The following GPC3 variants were observed in gnomAD, a reference collection of about 807,000 sequenced individuals.
GPC3 encodes glypican-3.
GPC3 carries 3 observed loss-of-function variants against 34.4 expected under a neutral mutation model. That is an observed-to-expected ratio of 0.09 (90% CI 0.04 to 0.23). The LOEUF (loss-of-function observed/expected upper bound fraction) is 0.23. Among genes scored for constraint, GPC3 ranks in the 10% least tolerant of loss-of-function variants. The pLI is 1.00. For synonymous variants in GPC3, 177 were observed against 174.0 expected (o/e 1.02, Z -0.13); for missense variants, 351 against 445.6 (o/e 0.79, Z 1.91).
chrX:133,915,886 C>G (rs1310091441), intron 2 of GPC3, among the ~76,000 whole-genome samples: 4 of 111,629 alleles, frequency 3.6e-5, no homozygotes, highest in Non-Finnish European at 7.5e-5. Flanking sequence ...CATTGTGGCT[C>G]AAGCCTGTAA....
intron 3 of GPC3, among the ~76,000 whole-genome samples, chrX:133,709,077 CTGTT>C (rs2071243280): frequency 8.9e-6 from 1 of 111,778 alleles, no homozygotes; most frequent in Non-Finnish European, 1.9e-5. Context: ...GAACTCTATT[CTGTT>C]TATTTAAATG....
chrX:133,632,482 C>T (rs1469329612), intron 6 of GPC3, among the ~76,000 whole-genome samples: 2 of 111,405 alleles, frequency 1.8e-5, no homozygotes, highest in African/African-American at 3.3e-5. Context: ...GGTAGATTAA[C>T]TTATTTTTAC....
chrX:133,778,488 C>A (rs1293025565), intron 2 of GPC3, among the ~76,000 whole-genome samples: 2 of 111,792 alleles, frequency 1.8e-5, no homozygotes, highest in East Asian at 5.6e-4. Context: ...ACCCACTGAG[C>A]AACTGATACG....
chrX:133,967,693 A>G (rs1410850748), intron 1 of GPC3, among the ~76,000 whole-genome samples: 1 of 111,840 alleles, frequency 8.9e-6, no homozygotes, highest in African/African-American at 3.3e-5. Context: ...CAATGGTGCA[A>G]TCTTGGCTCA....
chrX:133,644,879 C>T (rs2070525260), intron 6 of GPC3, among the ~76,000 whole-genome samples: 1 of 110,870 alleles, frequency 9.0e-6, no homozygotes, highest in Admixed American at 9.6e-5. Flanking sequence ...CTCCCAGGTT[C>T]AAGTGATTCT....
intron 5 of GPC3, among the ~76,000 whole-genome samples, chrX:133,663,849 A>G (rs903825503): frequency 5.4e-5 from 6 of 111,864 alleles, no homozygotes; most frequent in Non-Finnish European, 1.1e-4. Flanking sequence ...AATAACCACA[A>G]AATAATGAGG....
intron 3 of GPC3, among the ~76,000 whole-genome samples, chrX:133,723,790 T>C (rs954751954): frequency 8.9e-6 from 1 of 111,986 alleles, no homozygotes; most frequent in Non-Finnish European, 1.9e-5. Flanking sequence ...ATGCTTCTTG[T>C]ACAGTCTGCA....
intron 2 of GPC3, among the ~76,000 whole-genome samples, chrX:133,849,167 T>C (rs2075861098): frequency 2.0e-5 from 2 of 99,155 alleles, no homozygotes; most frequent in Admixed American, 2.3e-4. Context: ...CTACCTCGGC[T>C]TACTGCAAGC....
chrX:133,950,551 T>G (rs1172105844), intron 2 of GPC3, among the ~76,000 whole-genome samples: 1 of 112,205 alleles, frequency 8.9e-6, no homozygotes, highest in African/African-American at 3.2e-5. Flanking sequence ...ACATCAAATT[T>G]CACATGAGTG....
chrX:133,642,969 C>T (rs184754739), intron 6 of GPC3, among the ~76,000 whole-genome samples: 1 of 111,230 alleles, frequency 9.0e-6, no homozygotes, highest in East Asian at 2.8e-4. Flanking sequence ...ATATCAAATA[C>T]TAAGGAATTT....
intron 2 of GPC3, among the ~76,000 whole-genome samples, chrX:133,838,251 C>G (rs1207395699): frequency 1.8e-5 from 2 of 111,773 alleles, no homozygotes; most frequent in African/African-American, 6.5e-5. Flanking sequence ...TTATTTTTTC[C>G]TGAAATACTA....
intron 7 of GPC3, among the ~76,000 whole-genome samples, chrX:133,552,327 A>T (rs1358958248): frequency 8.9e-6 from 1 of 112,300 alleles, no homozygotes; most frequent in East Asian, 2.8e-4. Flanking sequence ...TTTGACACAG[A>T]CACTGGAGAG....
At chrX:133,855,003 A>G (rs1475585673) in intron 2 of GPC3, among the ~76,000 whole-genome samples, 2 of 112,588 alleles carry the variant, frequency 1.8e-5, no homozygotes, top group African/African-American at 6.5e-5. Flanking sequence ...CATTTTAATA[A>G]AACATTTTTC....
chrX:133,626,260 G>A (rs752934048), intron 6 of GPC3, among the ~76,000 whole-genome samples: 100 of 111,691 alleles, frequency 9.0e-4, no homozygotes, highest in Non-Finnish European at 1.6e-3. Context: ...CATGGGCAAG[G>A]ACTTTATGAC....
intron 6 of GPC3, 80 bp downstream of exon 6, chrX:133,661,638 CCCCCCTCTCTCT>C (rs2070726405): frequency 3.5e-5 from 1 of 28,258 alleles, no homozygotes; most frequent in Non-Finnish European, 6.4e-5. Context: ...CTCTCTCCCC[CCCCCCTCTCTCT>C]CCCCCTCTCT....
At chrX:133,777,022 G>A (rs2071992398) in intron 2 of GPC3, among the ~76,000 whole-genome samples, 1 of 107,753 alleles carries the variant, frequency 9.3e-6, no homozygotes, top group Non-Finnish European at 1.9e-5. Flanking sequence ...TGGGATTACA[G>A]GTGCCCACCA....
chrX:133,597,854 G>A (rs940521922), intron 6 of GPC3, among the ~76,000 whole-genome samples: 1 of 110,514 alleles, frequency 9.0e-6, no homozygotes, highest in Non-Finnish European at 1.9e-5. Flanking sequence ...TCTACCAACT[G>A]TCTCCCACTC....
intron 6 of GPC3, among the ~76,000 whole-genome samples, chrX:133,661,246 T>C (rs1258655321): frequency 8.9e-6 from 1 of 112,029 alleles, no homozygotes; most frequent in Non-Finnish European, 1.9e-5. Context: ...CAAGATAGTG[T>C]TAATTTTCAG....
chrX:133,687,383 GT>G (rs1189478107), intron 5 of GPC3, among the ~76,000 whole-genome samples: 1,038 of 50,157 alleles, frequency 0.021, 11 homozygotes, highest in African/African-American at 0.065. Context: ...AATTATCAGA[GT>G]TTTTTTTTTT....
Sources: allele counts gnomAD v4.1 joint callset (sites outside exome capture counted in the v4.1 genomes callset), GRCh38; gene constraint gnomAD v4.1.1; transcripts MANE v1.5; gene names NCBI Gene and HGNC (gene_info 2026-07-23, HGNC 2026-07-21).